Variants in NXPE2 observed in about 807,000 individuals in gnomAD.
The protein encoded by NXPE2 is neurexophilin and PC-esterase domain family member 2.
NXPE2 carries 34 observed loss-of-function variants against 34.4 expected under a neutral mutation model. The observed-to-expected ratio is 0.99, with a 90% confidence interval of 0.75 to 1.31. The LOEUF (loss-of-function observed/expected upper bound fraction) is 1.31, where lower values mean the gene tolerates loss of function less well. Ranked by LOEUF, NXPE2 falls within the 40% of genes most tolerant of loss-of-function variation. The pLI is 0.00. For synonymous variants in NXPE2, 235 were observed against 231.3 expected, an observed-to-expected ratio of 1.02 and a Z score of -0.15; for missense variants, 649 against 672.5, an observed-to-expected ratio of 0.97 and a Z score of 0.39.
the NXPE2 span, among the ~76,000 whole-genome samples, chr11:114,496,850 A>G: frequency 3.3e-5 from 5 of 152,248 alleles, no homozygotes; most frequent in African/African-American, 1.2e-4. Context: ...GTAACATTGT[A>G]GTGTAATGTT....
chr11:114,477,021 A>C, the NXPE2 span, among the ~76,000 whole-genome samples: 1 of 152,210 alleles, frequency 6.6e-6, no homozygotes, highest in Non-Finnish European at 1.5e-5. Context: ...TGTTTATGAT[A>C]GCTTTATTTG....
the NXPE2 span, among the ~76,000 whole-genome samples, chr11:114,471,893 C>A: frequency 5.9e-5 from 9 of 152,152 alleles, no homozygotes; most frequent in Non-Finnish European, 1.3e-4. Flanking sequence ...AAACAAGCAA[C>A]CAACCCCCCT....
At chr11:114,737,589 G>T in the NXPE2 span, among the ~76,000 whole-genome samples, 1 of 152,148 alleles carries the variant, frequency 6.6e-6, no homozygotes, top group Non-Finnish European at 1.5e-5. Flanking sequence ...GGTAGTTTGT[G>T]CTATTATCCT....
chr11:114,742,114 A>T, the NXPE2 span, among the ~76,000 whole-genome samples: 1 of 152,024 alleles, frequency 6.6e-6, no homozygotes, highest in Non-Finnish European at 1.5e-5. Flanking sequence ...TGGGTGATGA[A>T]AGCCTCTCAT....
At chr11:114,675,288 A>G (rs1950845342), upstream of NXPE2, among the ~76,000 whole-genome samples, 1 of 151,838 alleles carries the variant, frequency 6.6e-6, no homozygotes, top group Admixed American at 6.6e-5. Flanking sequence ...AATTCAACAT[A>G]GTACTGGAAG....
the NXPE2 span, among the ~76,000 whole-genome samples, chr11:114,763,762 T>C: frequency 6.6e-6 from 1 of 152,248 alleles, no homozygotes; most frequent in African/African-American, 2.4e-5. Flanking sequence ...AGCATGTATG[T>C]GTAGAGAACT....
chr11:114,584,330 T>C, the NXPE2 span: 1 of 481,312 alleles, frequency 2.1e-6, no homozygotes. Flanking sequence ...AATGAGTACC[T>C]GGAGAAGATT....
At chr11:114,533,418 G>C in the NXPE2 span, among the ~76,000 whole-genome samples, 1 of 152,188 alleles carries the variant, frequency 6.6e-6, no homozygotes, top group Non-Finnish European at 1.5e-5. Context: ...TCATCTCATG[G>C]GGAGTGCCGG....
At chr11:114,517,867 G>A in the NXPE2 span, 1 of 152,340 alleles carries the variant, frequency 6.6e-6, no homozygotes, top group South Asian at 2.1e-4. Context: ...CACCCCTGGT[G>A]GCTCTGCTCC....
chr11:114,542,111 A>G, the NXPE2 span, among the ~76,000 whole-genome samples: 1 of 152,126 alleles, frequency 6.6e-6, no homozygotes, highest in African/African-American at 2.4e-5. Flanking sequence ...TATGATTATT[A>G]TATCTGCTTT....
the NXPE2 span, among the ~76,000 whole-genome samples, chr11:114,490,289 A>G: frequency 3.3e-5 from 5 of 152,358 alleles, no homozygotes; most frequent in African/African-American, 1.2e-4. Flanking sequence ...GCCCAAGATG[A>G]TTTATGGATT....
At chr11:114,645,120 G>A in the NXPE2 span, among the ~76,000 whole-genome samples, 2 of 151,876 alleles carry the variant, frequency 1.3e-5, no homozygotes, top group Non-Finnish European at 2.9e-5. Context: ...TGGCCAACAT[G>A]GTGAAACCCC....
the NXPE2 span, among the ~76,000 whole-genome samples, chr11:114,667,220 T>C: frequency 6.6e-6 from 1 of 152,150 alleles, no homozygotes; most frequent in East Asian, 1.9e-4. Flanking sequence ...GAAGGTATCT[T>C]TCTGAACTTT....
At chr11:114,766,086 CTT>C in the NXPE2 span, among the ~76,000 whole-genome samples, 1 of 152,182 alleles carries the variant, frequency 6.6e-6, no homozygotes, top group African/African-American at 2.4e-5. Context: ...CTGATAGAAT[CTT>C]ATCGGATCTT....
At chr11:114,795,717 T>C in the NXPE2 span, among the ~76,000 whole-genome samples, 3 of 151,920 alleles carry the variant, frequency 2.0e-5, no homozygotes, top group South Asian at 2.1e-4. Context: ...GGCAAATTGT[T>C]CTATCTATCT....
the NXPE2 span, among the ~76,000 whole-genome samples, chr11:114,464,975 T>C: frequency 6.6e-6 from 1 of 152,166 alleles, no homozygotes; most frequent in Non-Finnish European, 1.5e-5. Flanking sequence ...AATCAGGAAA[T>C]TCATATTAAA....
the NXPE2 span, among the ~76,000 whole-genome samples, chr11:114,619,091 A>G: frequency 6.6e-6 from 1 of 150,640 alleles, no homozygotes; most frequent in Admixed American, 6.6e-5. Flanking sequence ...ATCATGGGTA[A>G]CCACTGTTGC....
chr11:114,698,866 T>C lies in NXPE2; in HGVS notation c.866+88T>C, dbSNP rs553661444. 6.0e-5 allele frequency: 75 copies of C among 1,247,654 alleles called. No homozygotes were observed. In the South Asian group the frequency reaches 1.1e-3, roughly 18 times the overall value. 77.3% of individuals were successfully genotyped at this position (1,247,654 alleles called of 1,614,324 possible). On this transcript the variant is annotated intron_variant, in intron 3 of 5. Transcript: ENST00000389586. ...AGTTTTGCCTAATCAAACTTTTGTA[T>C]CATGTCAATTATGTTGACTAAATTA... is the stretch of plus-strand genomic sequence containing the variant.
At chr11:114,762,519 G>A in the NXPE2 span, among the ~76,000 whole-genome samples, 5 of 152,256 alleles carry the variant, frequency 3.3e-5, no homozygotes, top group East Asian at 9.7e-4. Context: ...TATCATAAAC[G>A]AATCTGCTGT....
Sources: gnomAD v4.1 joint callset for allele counts (sites outside exome capture counted in the v4.1 genomes callset) on GRCh38, gnomAD v4.1.1 for gene constraint, MANE v1.5 for transcripts, NCBI Gene and HGNC (gene_info 2026-07-23, HGNC 2026-07-21) for gene names.